The following AOAH variants were observed in gnomAD, a reference collection of about 807,000 sequenced individuals.
AOAH encodes the protein acyloxyacyl hydrolase, also known as acyloxyacyl hydrolase (neutrophil).
AOAH carries 64 observed loss-of-function variants against 92.2 expected under a neutral mutation model. That is an observed-to-expected ratio of 0.69 (90% CI 0.57 to 0.86). AOAH has a LOEUF of 0.86. Ranked by LOEUF, AOAH falls within the 40% of genes least tolerant of loss-of-function variation. The pLI is 0.00. For synonymous variants in AOAH, 263 were observed against 254.5 expected (o/e 1.03, Z -0.32); for missense variants, 656 against 694.6 (o/e 0.94, Z 0.62).
intron 1 of AOAH, among the ~76,000 whole-genome samples, chr7:36,690,529 G>A (rs1318505358): frequency 6.6e-6 from 1 of 152,198 alleles, no homozygotes; most frequent in Admixed American, 6.5e-5. Context: ...AAGAGGTTTC[G>A]CTTCCTTGAC....
At chr7:36,527,081 T>C (rs897399128) in intron 19 of AOAH, among the ~76,000 whole-genome samples, 1 of 152,186 alleles carries the variant, frequency 6.6e-6, no homozygotes, top group African/African-American at 2.4e-5. Context: ...CTGCTCAAGT[T>C]GGCATTTCCT....
chr7:36,652,600 G>A (rs1794645864), intron 4 of AOAH, among the ~76,000 whole-genome samples: 1 of 152,222 alleles, frequency 6.6e-6, no homozygotes, highest in Non-Finnish European at 1.5e-5. Context: ...ACCGAGTGAT[G>A]AAGGGTGATC....
intron 15 of AOAH, among the ~76,000 whole-genome samples, chr7:36,544,644 T>A (rs139279901): frequency 7.9e-5 from 12 of 152,300 alleles, no homozygotes; most frequent in African/African-American, 2.6e-4. Context: ...CTCACTGACA[T>A]GCTCTCACAC....
intron 13 of AOAH, 74 bp downstream of exon 13, chr7:36,576,500 C>T: frequency 1.2e-6 from 1 of 846,934 alleles, no homozygotes; most frequent in East Asian, 2.8e-5. Context: ...TGAATCTCAG[C>T]TTTTGAGGTA....
chr7:36,717,586 C>T (rs1410885263), intron 1 of AOAH, among the ~76,000 whole-genome samples: 2 of 150,222 alleles, frequency 1.3e-5, no homozygotes, highest in East Asian at 3.9e-4. Context: ...AGTGGCGAGG[C>T]ACCGGGAGAG....
At chr7:36,637,038 TGTC>T (rs2116305192) in intron 5 of AOAH, among the ~76,000 whole-genome samples, 1 of 152,336 alleles carries the variant, frequency 6.6e-6, no homozygotes, top group African/African-American at 2.4e-5. Flanking sequence ...TTGAGGATAA[TGTC>T]GTGCTTTAAA....
chr7:36,582,922 G>A (rs1789037305), intron 12 of AOAH, among the ~76,000 whole-genome samples: 1 of 151,500 alleles, frequency 6.6e-6, no homozygotes, highest in Non-Finnish European at 1.5e-5. Flanking sequence ...TCGGCTCACT[G>A]CAACCTCCAC....
At chr7:36,683,376 T>G (rs1796763429) in intron 2 of AOAH, among the ~76,000 whole-genome samples, 2 of 152,150 alleles carry the variant, frequency 1.3e-5, no homozygotes, top group East Asian at 3.8e-4. Context: ...ATACAGTTGC[T>G]GATGCAGCTA....
chr7:36,611,759 G>A (rs573374738), intron 11 of AOAH, among the ~76,000 whole-genome samples: 4 of 152,290 alleles, frequency 2.6e-5, no homozygotes, highest in Admixed American at 1.3e-4. Flanking sequence ...TGCCAGAGCC[G>A]TGTGTCAGTC....
chr7:36,681,077 G>A (rs1796614190), intron 2 of AOAH, among the ~76,000 whole-genome samples: 1 of 152,086 alleles, frequency 6.6e-6, no homozygotes, highest in South Asian at 2.1e-4. Context: ...ACGCAACTTT[G>A]CCAAAAAAGA....
intron 2 of AOAH, 138 bp downstream of exon 2, chr7:36,686,561 C>T: frequency 2.2e-6 from 1 of 461,300 alleles, no homozygotes; most frequent in Non-Finnish European, 3.7e-6. Context: ...TCTATAAGCC[C>T]CACAAGAATA....
intron 20 of AOAH, chr7:36,514,591 C>T (rs934401200): frequency 3.9e-6 from 6 of 1,534,510 alleles, no homozygotes; most frequent in Non-Finnish European, 4.4e-6. Context: ...TGCTCTTTCT[C>T]TGCAAACAAT....
chr7:36,526,146 G>C (rs1430476725), intron 19 of AOAH, among the ~76,000 whole-genome samples: 1 of 152,150 alleles, frequency 6.6e-6, no homozygotes, highest in Non-Finnish European at 1.5e-5. Flanking sequence ...GCAACTACAA[G>C]GGAGTCCAGC....
chr7:36,535,767 A>C (rs910611027), intron 16 of AOAH, among the ~76,000 whole-genome samples: 3 of 149,548 alleles, frequency 2.0e-5, no homozygotes, highest in African/African-American at 7.4e-5. Flanking sequence ...GATGCATCTT[A>C]TGTCATCTTT....
chr7:36,694,131 T>A (rs1186227469), intron 1 of AOAH, among the ~76,000 whole-genome samples: 3 of 152,184 alleles, frequency 2.0e-5, no homozygotes, highest in Non-Finnish European at 4.4e-5. Context: ...ACTTTCTCAT[T>A]TTTTTGTGGG....
At position 36,703,154 on chromosome 7, in the gene AOAH, C is replaced by T. The variant is rs183184760; in HGVS notation, c.128-16360G>A. Among the ~76,000 whole-genome samples, 3 of 152,178 alleles carry T rather than the reference C, an allele frequency of 2.0e-5. No homozygotes were observed. In the East Asian group the frequency reaches 5.8e-4, roughly 29 times the overall value. On this transcript the variant is annotated intron_variant, in intron 1 of 20. Transcript: ENST00000617537. ...TCACTTCTAATTCAAGTTCTCTTGC[C>T]ATTTATATCACATCTGCAGTTTCAC...
chr7:36,594,288 T>C, intron 12 of AOAH, 51 bp downstream of exon 12: 2 of 1,435,716 alleles, frequency 1.4e-6, no homozygotes, highest in Non-Finnish European at 2.0e-6. Flanking sequence ...TCTCTTGTTC[T>C]TTCCTTACAC....
At chr7:36,642,096 G>A (rs1776888361) in intron 4 of AOAH, among the ~76,000 whole-genome samples, 2 of 152,132 alleles carry the variant, frequency 1.3e-5, no homozygotes, top group Admixed American at 6.6e-5. Context: ...TAACCCTGCA[G>A]AAGCTCAGAA....
intron 6 of AOAH, 87 bp from the exon 7 acceptor site, chr7:36,623,337 C>A (rs1792422741): frequency 8.3e-7 from 1 of 1,211,690 alleles, no homozygotes; most frequent in Admixed American, 1.8e-5. Flanking sequence ...TTTTCTGATA[C>A]AGCTCTGTTG....
Sources: allele counts gnomAD v4.1 joint callset (sites outside exome capture counted in the v4.1 genomes callset), GRCh38; gene constraint gnomAD v4.1.1; transcripts MANE v1.5; gene names NCBI Gene and HGNC (gene_info 2026-07-23, HGNC 2026-07-21).